Variants in KCNIP4 observed in about 807,000 individuals in gnomAD.
KCNIP4 encodes the protein Kv channel-interacting protein 4.
Under a neutral mutation model 34.0 loss-of-function variants are expected in KCNIP4, and 12 were observed. The observed-to-expected ratio is 0.35, with a 90% CI of 0.23 to 0.57. The LOEUF is 0.57. Among genes scored for constraint, KCNIP4 ranks in the 20% least tolerant of loss-of-function variants. The pLI, the probability that KCNIP4 is intolerant of heterozygous loss-of-function variation, is 0.83. For missense variants in KCNIP4, 238 were observed against 311.7 expected, an observed-to-expected ratio of 0.76 and a Z score of 1.78; for synonymous variants, 124 against 102.2, an observed-to-expected ratio of 1.21 and a Z score of -1.29.
intron 3 of KCNIP4, among the ~76,000 whole-genome samples, chr4:20,790,428 TCAAACTTTA>T (rs1436051127): frequency 6.6e-6 from 1 of 152,196 alleles, no homozygotes; most frequent in African/African-American, 2.4e-5. Context: ...CTGTGACTTT[TCAAACTTTA>T]CAAACATTTT....
chr4:21,613,948 G>C (rs1744379976), intron 1 of KCNIP4, among the ~76,000 whole-genome samples: 1 of 151,084 alleles, frequency 6.6e-6, no homozygotes, highest in Non-Finnish European at 1.5e-5. Flanking sequence ...GGTTCAAGCA[G>C]CCTGGCCAAA....
chr4:21,129,592 A>G (rs1750904634), intron 1 of KCNIP4, among the ~76,000 whole-genome samples: 1 of 152,196 alleles, frequency 6.6e-6, no homozygotes, highest in African/African-American at 2.4e-5. Context: ...TTTTCATTTC[A>G]GTTTACCTGG....
At chr4:21,851,551 T>C (rs1724396420) in intron 1 of KCNIP4, 1 of 152,198 alleles carries the variant, frequency 6.6e-6, no homozygotes, top group Non-Finnish European at 1.5e-5. Flanking sequence ...TACCCCTTAA[T>C]TTTATGCAAG....
At chr4:21,405,324 C>G (rs1723888613) in intron 1 of KCNIP4, among the ~76,000 whole-genome samples, 1 of 152,150 alleles carries the variant, frequency 6.6e-6, no homozygotes, top group Non-Finnish European at 1.5e-5. Context: ...TCACAATGGT[C>G]ATGAATAAAA....
intron 1 of KCNIP4, among the ~76,000 whole-genome samples, chr4:21,220,568 T>C (rs1002235813): frequency 2.0e-5 from 3 of 151,658 alleles, no homozygotes; most frequent in Non-Finnish European, 4.4e-5. Context: ...TAATAAATAA[T>C]AATAATAATA....
chr4:20,779,576 AC>A (rs71653900), intron 3 of KCNIP4, among the ~76,000 whole-genome samples: 32,748 of 80,412 alleles, frequency 0.41, 5,419 homozygotes, highest in Admixed American at 0.53. Context: ...CTGCCCCACA[AC>A]CCCCCCCCCC....
chr4:20,989,310 GATAAA>G (rs1261579161), intron 1 of KCNIP4, among the ~76,000 whole-genome samples: 2 of 152,070 alleles, frequency 1.3e-5, no homozygotes, highest in Admixed American at 6.6e-5. Flanking sequence ...ATCATTTAAA[GATAAA>G]ATAATATATT....
intron 1 of KCNIP4, among the ~76,000 whole-genome samples, chr4:21,833,070 T>A (rs1359631295): frequency 1.3e-5 from 2 of 150,344 alleles, no homozygotes; most frequent in Non-Finnish European, 2.9e-5. Flanking sequence ...TGTGTCTTTA[T>A]AGCAGCATGA....
At chr4:21,310,087 T>C (rs1411692472) in intron 1 of KCNIP4, among the ~76,000 whole-genome samples, 1 of 152,180 alleles carries the variant, frequency 6.6e-6, no homozygotes, top group East Asian at 1.9e-4. Context: ...TGGAATGCAG[T>C]GGCCCGATCT....
At chr4:21,473,888 A>G (rs1730676950) in intron 1 of KCNIP4, among the ~76,000 whole-genome samples, 2 of 151,676 alleles carry the variant, frequency 1.3e-5, no homozygotes, top group Non-Finnish European at 2.9e-5. Flanking sequence ...TAATTTTTGT[A>G]TTTTTAGTAG....
At chr4:21,763,138 C>T (rs717531) in intron 1 of KCNIP4, 914,468 of 1,275,232 alleles carry the variant, frequency 0.72, 336,196 homozygotes, top group African/African-American at 0.89. Context: ...AATTCCTTCA[C>T]TGTGGTTGAA....
At chr4:21,566,479 C>A (rs191157148) in intron 1 of KCNIP4, among the ~76,000 whole-genome samples, 2 of 152,212 alleles carry the variant, frequency 1.3e-5, no homozygotes, top group Non-Finnish European at 1.5e-5. Flanking sequence ...CCCCTTCGCT[C>A]TCTTCCTCCT....
intron 1 of KCNIP4, among the ~76,000 whole-genome samples, chr4:21,510,182 A>G (rs1734196579): frequency 6.6e-6 from 1 of 151,996 alleles, no homozygotes; most frequent in Non-Finnish European, 1.5e-5. Context: ...ATGTTAATGA[A>G]TTTTGGCTCT....
At chr4:21,833,812 CT>C (rs1723149621) in intron 1 of KCNIP4, among the ~76,000 whole-genome samples, 1 of 152,172 alleles carries the variant, frequency 6.6e-6, no homozygotes, top group Admixed American at 6.5e-5. Context: ...CTACATATGG[CT>C]AGCCAGTTTT....
intron 1 of KCNIP4, among the ~76,000 whole-genome samples, chr4:21,400,534 T>TCTTCTCTTCC (rs1723442104): frequency 1.2e-5 from 1 of 80,278 alleles, no homozygotes; most frequent in African/African-American, 6.6e-5. Context: ...TCTTCTCTTC[T>TCTTCTCTTCC]CTTCTCTTCT....
chr4:20,909,577 A>C (rs556050110), intron 1 of KCNIP4, among the ~76,000 whole-genome samples: 18 of 152,178 alleles, frequency 1.2e-4, no homozygotes, highest in Non-Finnish European at 2.2e-4. Context: ...TCATGCTCAC[A>C]TGTTCCCCTT....
chr4:20,943,901 T>C (rs1731913252), intron 1 of KCNIP4, among the ~76,000 whole-genome samples: 1 of 152,138 alleles, frequency 6.6e-6, no homozygotes, highest in Admixed American at 6.6e-5. Context: ...GGACATATTA[T>C]TGAGAGCACA....
intron 1 of KCNIP4, among the ~76,000 whole-genome samples, chr4:20,935,730 C>A (rs1577393216): frequency 6.6e-6 from 1 of 152,260 alleles, no homozygotes; most frequent in East Asian, 1.9e-4. Flanking sequence ...ACTAAAGAAG[C>A]TCTAATGACT....
chr4:21,202,573 A>C (rs1756567735), intron 1 of KCNIP4, among the ~76,000 whole-genome samples: 1 of 152,192 alleles, frequency 6.6e-6, no homozygotes, highest in Admixed American at 6.5e-5. Flanking sequence ...CTACCCCCAG[A>C]ATCCAAAATA....
Sources: allele counts gnomAD v4.1 joint callset (sites outside exome capture counted in the v4.1 genomes callset), GRCh38; gene constraint gnomAD v4.1.1; transcripts MANE v1.5; gene names NCBI Gene and HGNC (gene_info 2026-07-23, HGNC 2026-07-21).